The following IRS4 variants were observed in gnomAD, a reference collection of about 807,000 sequenced individuals.
IRS4 encodes insulin receptor substrate 4, also known as 160 kDa phosphotyrosine protein.
Under a neutral mutation model 48.6 loss-of-function variants are expected in IRS4, and 15 were observed. That is an observed-to-expected ratio of 0.31 (90% confidence interval 0.21 to 0.48). IRS4 has a LOEUF of 0.48. IRS4 is among the 20% of genes least tolerant of loss of function. The pLI is 0.99. For missense variants in IRS4, 987 were observed against 1,023.4 expected (o/e 0.96, Z 0.49); for synonymous variants, 459 against 413.2 (o/e 1.11, Z -1.34).
At chrX:108,726,134 G>A (rs2068873924) in intron 1 of IRS4, 1 of 112,533 alleles carries the variant, frequency 8.9e-6, no homozygotes, top group Non-Finnish European at 1.9e-5. Context: ...CATATTCCAA[G>A]GTCATTGTTT....
chrX:108,721,882 T>C lies in IRS4; in HGVS notation c.*637A>G, dbSNP rs2068857233. ...TCATTGACATATAACATGAGCAGAA[T>C]GTTGCAGTTTTGCTAATGAGCAAAA... On this transcript the variant is annotated 3_prime_UTR_variant, in exon 2 of 2. Transcript: ENST00000372129. 8.9e-6 allele frequency: 1 copy of C among 111,864 alleles called. No individual in the cohort carries two copies. Among genetic ancestry groups the C allele is most frequent in the Admixed American group, 9.4e-5 (1 of 10,583 alleles). 9.2% of individuals were successfully genotyped at this position (111,864 alleles called of 1,213,427 possible). A position where few individuals can be genotyped will look rare whatever the true frequency, so the allele number is the denominator to read the frequency against.
At chrX:108,728,569 G>A (rs1569510785) in intron 1 of IRS4, among the ~76,000 whole-genome samples, 1 of 112,034 alleles carries the variant, frequency 8.9e-6, no homozygotes, top group Non-Finnish European at 1.9e-5. Context: ...TTCATTTCCA[G>A]TACTTACCAT....
rs781072031 is a variant in IRS4 at position 108,736,381 on chromosome X, G to A, written c.-37C>T. 10 of 1,207,309 alleles carry A rather than the reference G, an allele frequency of 8.3e-6. No individual in the cohort carries two copies. The highest frequency in any genetic ancestry group is 1.8e-5 in the South Asian group (1 of 56,555). On this transcript the variant is annotated 5_prime_UTR_variant, in exon 1 of 2. Coordinates refer to ENST00000372129, the MANE Select transcript of IRS4 (RefSeq NM_001379150.1). ...ATGGTTTTAAGGTGAGCGAGGAGGAGGGGGAATTCAGGAAAGGGAGGGTTG... is the reference window on the plus strand; with the variant it reads ...ATGGTTTTAAGGTGAGCGAGGAGGAAGGGGAATTCAGGAAAGGGAGGGTTG...
chrX:108,733,011 G>A lies in IRS4; in HGVS notation c.3334C>T (p.Leu1112Phe). The A allele has an allele frequency of 1.7e-6, 2 of 1,210,507 alleles. No homozygotes were observed. Among genetic ancestry groups the A allele is most frequent in the Non-Finnish European group, 2.2e-6 (2 of 894,606 alleles). ...ACAGCCGGGGCTGAGGATGGGGAAA[G>A]GTCTCTCTCGAGGCTGTCTGTTGGA... ...AFPTDSLERD[L>F]SPSSAPAVAS... Residue 1112 changes from leucine (L) to phenylalanine (F), a missense_variant, in exon 1 of 2, where the codon CTT becomes TTT. Physicochemically the swap from Leu to Phe is conservative, Grantham distance 22. Coordinates refer to ENST00000372129, the MANE Select transcript of IRS4 (RefSeq NM_001379150.1).
chrX:108,724,152 T>A (rs1477896559), intron 1 of IRS4: 1 of 112,120 alleles, frequency 8.9e-6, no homozygotes, highest in African/African-American at 3.2e-5. Flanking sequence ...ACCTGCAAAT[T>A]AAGCTCCATA....
chrX:108,734,621 C>A lies in IRS4; in HGVS notation c.1724G>T (p.Gly575Val). The change falls in exon 1 of 2, where the codon GGA becomes GTA. Residue 575 changes from glycine to valine, a missense_variant. Gly to Val is a moderately radical substitution (Grantham distance 109, BLOSUM62 -3). Coordinates refer to ENST00000372129, the MANE Select transcript of IRS4 (RefSeq NM_001379150.1). ...GGGHGSGGGQ[G>V]PGDGHGSGGG... is the part of the protein sequence containing the mutation. Reference sequence around the variant, plus strand: ...ACCTGAGCCATGGCCATCTCCAGGTCCCTGGCCACCACCTGAGCCATGCCC... The same window carrying A: ...ACCTGAGCCATGGCCATCTCCAGGTACCTGGCCACCACCTGAGCCATGCCC... 8.3e-7 allele frequency: 1 copy of A among 1,211,557 alleles called. No homozygotes were observed. Among genetic ancestry groups the A allele is most frequent in the Non-Finnish European group, 1.1e-6 (1 of 895,371 alleles).
rs1358391697 is a variant in IRS4, at chrX:108,720,400, G to T, written c.*2119C>A. The T allele has an allele frequency of 8.9e-6, 1 of 112,014 alleles. No homozygotes were observed. Among genetic ancestry groups the T allele is most frequent in the Non-Finnish European group, 1.9e-5 (1 of 53,206 alleles). The allele number at this position is 112,014 out of a possible 1,213,427, so 9.2% of individuals were successfully genotyped here. A position where few individuals can be genotyped will look rare whatever the true frequency, so the allele number is the denominator to read the frequency against. ...GTAAACTAATAAATAATGAGAACAA[G>T]ATTGCATTTGTTATGCAGTACCTGT... is the stretch of plus-strand genomic sequence containing the variant. On this transcript the variant is annotated 3_prime_UTR_variant, in exon 2 of 2. Coordinates refer to ENST00000372129, the MANE Select transcript of IRS4 (RefSeq NM_001379150.1).
Position 108,733,807 on chromosome X carries a change from G to A in IRS4, c.2538C>T (p.Ser846=), listed in dbSNP as rs767548987. The A allele has an allele frequency of 6.6e-6, 8 of 1,211,651 alleles. No individual in the cohort carries two copies. The highest frequency in any genetic ancestry group is 5.6e-6 in the Non-Finnish European group (5 of 895,479). The stretch of plus-strand genomic sequence containing the variant: ...CTGCATCTTTGGGGTCCCAGTTATA[G>A]GAGACTTCTTTGTCTAGGCCCCTCC... ...FLGRGLDKEV[S]YNWDPKDAAS... is the part of the protein sequence containing the mutation. Residue 846 remains serine, a synonymous_variant, in exon 1 of 2, where the codon TCC becomes TCT. Coordinates refer to ENST00000372129, the MANE Select transcript of IRS4 (RefSeq NM_001379150.1).
rs1160901633 is a variant in IRS4 at position 108,733,772 on chromosome X, G to A, written c.2573C>T (p.Pro858Leu). The stretch of plus-strand genomic sequence containing the variant: ...CTTTGAGAATGATCCCTCACCTGAA[G>A]GCTTTGAAGCTGCATCTTTGGGGTC... ...NWDPKDAASKPSGEGSFSKPG... is the reference protein window; with the variant it reads ...NWDPKDAASKLSGEGSFSKPG... The change falls in exon 1 of 2, where the codon CCT becomes CTT. Residue 858 changes from proline to leucine, a missense_variant. Pro to Leu is a moderately conservative substitution (Grantham distance 98). Around this residue, in one of 4 missense-constraint regions of IRS4, gnomAD observed 720 missense variants for 660.3 expected, o/e 1.09. Transcript: ENST00000372129. 4.1e-6 allele frequency: 5 copies of A among 1,212,009 alleles called. No homozygotes were observed. The highest frequency in any genetic ancestry group is 5.6e-6 in the Non-Finnish European group (5 of 895,571).
At position 108,736,193 on chromosome X, in the gene IRS4, G is replaced by T. The variant is rs1274458958; in HGVS notation, c.152C>A (p.Pro51Gln). 8.3e-7 allele frequency: 1 copy of T among 1,210,228 alleles called. No individual in the cohort carries two copies. The highest frequency in any genetic ancestry group is 3.0e-5 in the East Asian group (1 of 33,735). ...GGCCGTGGAGAGCCACATGGCTCCCGGACAAGACGACCCGGTCCCAATGAG... is the reference window on the plus strand; with the variant it reads ...GGCCGTGGAGAGCCACATGGCTCCCTGACAAGACGACCCGGTCCCAATGAG... ...TALIGTGSSC[P>Q]GAMWLSTATG... Residue 51 changes from proline (P) to glutamine (Q), a missense_variant, in exon 1 of 2, where the codon CCG (proline) becomes CAG (glutamine). Transcript: ENST00000372129.
In IRS4 at chrX:108,735,615, G is replaced by T; in HGVS notation, c.730C>A (p.Leu244Met). ...CCGCTCAGCTCTTTTCTGTGCCCCA[G>T]CCCCCTGGGTTTGACTATTACCTGC... Reference protein sequence around the residue: ...VWQVIVKPRGLGHRKELSGVF... With the variant: ...VWQVIVKPRGMGHRKELSGVF... Residue 244 changes from leucine (L) to methionine (M), a missense_variant, in exon 1 of 2, where the codon CTG becomes ATG. By Grantham distance (15) the Leu-to-Met change is conservative. This residue lies in a region of IRS4 where 20 missense variants were observed against 53.9 expected (regional missense o/e 0.37). Transcript: ENST00000372129. 8.3e-7 allele frequency: 1 copy of T among 1,208,530 alleles called. No individual in the cohort carries two copies. Among genetic ancestry groups the T allele is most frequent in the Non-Finnish European group, 1.1e-6 (1 of 894,699 alleles).
intron 1 of IRS4, among the ~76,000 whole-genome samples, chrX:108,728,460 T>C (rs901448611): frequency 5.3e-5 from 6 of 112,196 alleles, no homozygotes; most frequent in Non-Finnish European, 1.1e-4. Flanking sequence ...GGAGGTGTCA[T>C]GTGTTGGGTG....
Position 108,733,762 on chromosome X carries a change from C to T in IRS4, c.2583G>A (p.Glu861=), listed in dbSNP as rs1472812014. 4 of 1,210,065 alleles carry T rather than the reference C, an allele frequency of 3.3e-6. No homozygotes were observed. The highest frequency in any genetic ancestry group is 4.5e-6 in the Non-Finnish European group (4 of 895,260). ...PKDAASKPSG[E]GSFSKPGDGG... is the part of the protein sequence containing the mutation. ...CATCTCCAGGCTTTGAGAATGATCC[C>T]TCACCTGAAGGCTTTGAAGCTGCAT... The change falls in exon 1 of 2, where the codon GAG becomes GAA. Residue 861 remains glutamate, a synonymous_variant. Transcript: ENST00000372129.
In IRS4 at chrX:108,735,646, A is replaced by T. The variant is rs1247506963; in HGVS notation, c.699T>A (p.Asp233Glu). ...TGGGTTTGACTATTACCTGCCACAC[A>T]TCTTTATAGAAGGGTGGCTCCGCCG... ...AAAAEPPFYK[D>E]VWQVIVKPRG... Residue 233 changes from aspartate (D) to glutamate (E), a missense_variant, in exon 1 of 2, where the codon GAT becomes GAA. Physicochemically the swap from Asp to Glu is conservative, Grantham distance 45. Coordinates refer to ENST00000372129, the MANE Select transcript of IRS4 (RefSeq NM_001379150.1). 1.7e-6 allele frequency: 2 copies of T among 1,204,238 alleles called. No individual in the cohort carries two copies. Among genetic ancestry groups the T allele is most frequent in the Non-Finnish European group, 2.2e-6 (2 of 892,723 alleles).
chrX:108,735,259 G>C lies in IRS4; in HGVS notation c.1086C>G (p.Gly362=). Residue 362 remains glycine (G), a synonymous_variant, in exon 1 of 2, where the codon GGC becomes GGG. Coordinates refer to ENST00000372129, the MANE Select transcript of IRS4 (RefSeq NM_001379150.1). The part of the protein sequence containing the change: ...LTLLSARRHL[G]LVPLEPGGWL... ...AGCCTCCCGGCTCGAGCGGCACCAA[G>C]CCCAGGTGCCTCCTAGCGGACAGCA... 1 of 1,211,823 alleles carries C rather than the reference G, an allele frequency of 8.3e-7. No individual in the cohort carries two copies.
Position 108,721,503 on chromosome X carries a change from T to C in IRS4, c.*1016A>G, listed in dbSNP as rs1439236890. On this transcript the variant is annotated 3_prime_UTR_variant, in exon 2 of 2. Transcript: ENST00000372129. Reference sequence around the variant, plus strand: ...GCTTAAGTTTTTGTCAGAATATTGATTGATAAGTAAACACTAATTTCTTGA... The same window carrying C: ...GCTTAAGTTTTTGTCAGAATATTGACTGATAAGTAAACACTAATTTCTTGA... 9.0e-6 allele frequency: 1 copy of C among 110,991 alleles called. No individual in the cohort carries two copies. 9.1% of individuals were successfully genotyped at this position (110,991 alleles called of 1,213,427 possible). A position where few individuals can be genotyped will look rare whatever the true frequency, so the allele number is the denominator to read the frequency against.
At position 108,733,987 on chromosome X, in the gene IRS4, G is replaced by A. The variant is rs1305745645; in HGVS notation, c.2358C>T (p.Ala786=). 3 of 1,209,654 alleles carry A rather than the reference G, an allele frequency of 2.5e-6. No homozygotes were observed. The highest frequency in any genetic ancestry group is 1.8e-5 in the African/African-American group (1 of 57,003). ...TTCTGGGGTTTTTTGGAATTGCACC[G>A]GCTCCAGGAGCCATAAACATGTAGT... ...ESDYMFMAPG[A]GAIPKNPRNP... Residue 786 remains alanine (A), a synonymous_variant, in exon 1 of 2, where the codon GCC becomes GCT. Transcript: ENST00000372129.
In IRS4 at chrX:108,734,420, C is replaced by A; in HGVS notation, c.1925G>T (p.Gly642Val). Residue 642 changes from glycine (G) to valine (V), a missense_variant, in exon 1 of 2, where the codon GGA (glycine) becomes GTA (valine). Around this residue, in one of 4 missense-constraint regions of IRS4, gnomAD observed 720 missense variants for 660.3 expected, o/e 1.09. Coordinates refer to ENST00000372129, the MANE Select transcript of IRS4 (RefSeq NM_001379150.1). Reference sequence around the variant, plus strand: ...CCCAGACTTCCCTTTTCCACCAGTTCCTCCAGCTGGTGGGGGTGGAGGAGG... The same window carrying A: ...CCCAGACTTCCCTTTTCCACCAGTTACTCCAGCTGGTGGGGGTGGAGGAGG... ...PPPPPPPPAG[G>V]TGGKGKSGGR... 1 of 1,211,905 alleles carries A rather than the reference C, an allele frequency of 8.3e-7. No homozygotes were observed. Among genetic ancestry groups the A allele is most frequent in the African/African-American group, 1.7e-5 (1 of 57,803 alleles).
chrX:108,726,958 G>A (rs183765832), intron 1 of IRS4: 17 of 112,145 alleles, frequency 1.5e-4, no homozygotes, highest in African/African-American at 5.2e-4. Context: ...TGTACTGGGA[G>A]TGATCAACAT....
Sources: allele counts gnomAD v4.1 joint callset (sites outside exome capture counted in the v4.1 genomes callset), GRCh38; gene constraint gnomAD v4.1.1; regional missense constraint gnomAD v4.1.1; transcripts MANE v1.5; gene names NCBI Gene and HGNC (gene_info 2026-07-23, HGNC 2026-07-21).